Variants in SPAG17 observed in about 807,000 individuals in gnomAD.
SPAG17 encodes the protein sperm associated antigen 17.
Under a neutral mutation model 273.6 loss-of-function variants are expected in SPAG17, and 169 were observed. The observed-to-expected ratio is 0.62, with a 90% CI of 0.55 to 0.70. SPAG17 has a LOEUF of 0.70. SPAG17 is among the 30% of genes least tolerant of loss of function. SPAG17 has a pLI of 0.00. For missense variants in SPAG17, 2,557 were observed against 2,627.8 expected, an observed-to-expected ratio of 0.97 and a Z score of 0.59; for synonymous variants, 825 against 873.2, an observed-to-expected ratio of 0.94 and a Z score of 0.97.
At chr1:118,091,075 A>G (rs1354807052) in intron 10 of SPAG17, among the ~76,000 whole-genome samples, 2 of 152,194 alleles carry the variant, frequency 1.3e-5, no homozygotes, top group Non-Finnish European at 2.9e-5. Flanking sequence ...AACATCAGTC[A>G]TGAGGAAAGG....
In SPAG17 at chr1:117,976,462, G is replaced by A. The variant is rs80205954; in HGVS notation, c.6005-2901C>T. 8.7e-3 allele frequency among the ~76,000 whole-genome samples: 1,331 copies of A among 152,312 alleles called. 10 individuals carry two copies. The highest frequency in any genetic ancestry group is 0.014 in the Non-Finnish European group (979 of 68,024). On this transcript the variant is annotated intron_variant, in intron 43 of 48. Coordinates refer to ENST00000336338, the MANE Select transcript of SPAG17 (RefSeq NM_206996.4). ...AGGTGGAAGATATTTCTGCTCCATT[G>A]ACTCTGAGCTTGGCTACGGCACTTG...
chr1:118,072,843 G>A (rs1347855834), intron 17 of SPAG17, among the ~76,000 whole-genome samples: 1 of 152,082 alleles, frequency 6.6e-6, no homozygotes, highest in East Asian at 1.9e-4. Context: ...TGTGTTGGAT[G>A]GGGGTGGGCA....
chr1:118,062,733 A>T (rs1227552009), intron 18 of SPAG17, among the ~76,000 whole-genome samples: 3 of 152,310 alleles, frequency 2.0e-5, no homozygotes, highest in Non-Finnish European at 4.4e-5. Flanking sequence ...CAAGTCCTCA[A>T]AAATCCAAAA....
intron 28 of SPAG17, among the ~76,000 whole-genome samples, chr1:118,020,990 G>A (rs1325761979): frequency 6.6e-6 from 1 of 152,086 alleles, no homozygotes; most frequent in East Asian, 1.9e-4. Flanking sequence ...TTGAGTAGTT[G>A]TGACAGTGAC....
In SPAG17 at chr1:118,010,233, C is replaced by G. The variant is rs576967026; in HGVS notation, c.4432+1995G>C. Among the ~76,000 whole-genome samples, 7 of 152,118 alleles carry G rather than the reference C, an allele frequency of 4.6e-5. No homozygotes were observed. The East Asian group carries it at 1.4e-3, about 29-fold the overall frequency. On this transcript the variant is annotated intron_variant, in intron 30 of 48. Transcript: ENST00000336338. The stretch of plus-strand genomic sequence containing the variant: ...TCTAAGAGAGTAGATTTTAAGTATT[C>G]TCACAATTAAAAATGATAAGTACAA...
intron 41 of SPAG17, 63 bp downstream of exon 41, chr1:117,984,620 C>T: frequency 3.9e-6 from 4 of 1,020,280 alleles, no homozygotes; most frequent in Non-Finnish European, 6.0e-6. Context: ...TACATAATAA[C>T]ATATGCAATA....
chr1:117,996,851 A>G (rs777852293), intron 32 of SPAG17, 108 bp from the exon 33 acceptor site: 7 of 1,162,216 alleles, frequency 6.0e-6, no homozygotes, highest in Non-Finnish European at 8.4e-6. Context: ...TACTCACAAA[A>G]TTGGAGATGT....
chr1:118,043,819 T>C (rs189940789), intron 20 of SPAG17, among the ~76,000 whole-genome samples: 1 of 152,330 alleles, frequency 6.6e-6, no homozygotes, highest in Non-Finnish European at 1.5e-5. Flanking sequence ...AAACTATTAC[T>C]TGACTCAGCA....
intron 7 of SPAG17, among the ~76,000 whole-genome samples, chr1:118,096,622 A>G (rs1000301462): frequency 2.6e-4 from 39 of 152,234 alleles, no homozygotes; most frequent in African/African-American, 8.4e-4. Flanking sequence ...ACTTTCCACA[A>G]CATCTTCGAT....
chr1:118,018,374 T>C (rs1207229621), intron 28 of SPAG17, among the ~76,000 whole-genome samples: 5 of 152,054 alleles, frequency 3.3e-5, no homozygotes, highest in Admixed American at 6.6e-5. Flanking sequence ...ACTTAAGAGG[T>C]TGTATAACCA....
intron 3 of SPAG17, among the ~76,000 whole-genome samples, chr1:118,125,245 A>ATATATTTTTTT (rs146004766): frequency 5.3e-5 from 8 of 150,750 alleles, no homozygotes; most frequent in African/African-American, 7.4e-5. Context: ...ATATATATAT[A>ATATATTTTTTT]TTTTTGACAT....
At chr1:118,150,409 T>G in intron 3 of SPAG17, 134 bp downstream of exon 3, 1 of 450,822 alleles carries the variant, frequency 2.2e-6, no homozygotes, top group Non-Finnish European at 3.9e-6. Flanking sequence ...GTGTTCACCA[T>G]CAGGAACAAA....
At position 118,185,227 on chromosome 1, in the gene SPAG17, G is replaced by A; in HGVS notation, c.-70C>T. On this transcript the variant is annotated 5_prime_UTR_variant, in exon 1 of 49. Transcript: ENST00000336338. ...CTGCCTAAGCGTCCCCGCTACCACA[G>A]TAACCGAAGCCACGCCCAGTTCCTG... 1 of 1,293,540 alleles carries A rather than the reference G, an allele frequency of 7.7e-7. No individual in the cohort carries two copies. The highest frequency in any genetic ancestry group is 2.3e-5 in the East Asian group (1 of 43,358). The allele number at this position is 1,293,540 out of a possible 1,614,324, so 80.1% of individuals were successfully genotyped here.
In SPAG17 at chr1:117,981,409, A is replaced by C. The variant is rs1189852171; in HGVS notation, c.5873-8T>G. 1 of 1,590,734 alleles carries C rather than the reference A, an allele frequency of 6.3e-7. No individual in the cohort carries two copies. On this transcript the variant is annotated splice_polypyrimidine_tract_variant and splice_region_variant and intron_variant, in intron 42 of 48. Coordinates refer to ENST00000336338, the MANE Select transcript of SPAG17 (RefSeq NM_206996.4). The stretch of plus-strand genomic sequence containing the variant: ...CCTTATGTGGCTTGAAATCTAGAAA[A>C]CCCAAAATGAACCTTATAAAGTGAT...
intron 43 of SPAG17, among the ~76,000 whole-genome samples, chr1:117,980,385 C>T (rs192233203): frequency 5.3e-5 from 8 of 152,104 alleles, no homozygotes; most frequent in Non-Finnish European, 1.0e-4. Flanking sequence ...GCAAGCGCCA[C>T]CATGCCCAGC....
intron 3 of SPAG17, among the ~76,000 whole-genome samples, chr1:118,120,570 G>A (rs1321837431): frequency 1.3e-5 from 2 of 152,236 alleles, no homozygotes; most frequent in Non-Finnish European, 2.9e-5. Context: ...TAACAATGGC[G>A]TACTCAGATT....
intron 23 of SPAG17, among the ~76,000 whole-genome samples, chr1:118,037,297 A>G (rs904350289): frequency 6.6e-6 from 1 of 152,232 alleles, no homozygotes; most frequent in Non-Finnish European, 1.5e-5. Context: ...GAATTTAAAA[A>G]TTGTTTCAGT....
chr1:118,162,767 TC>T (rs1343622755), intron 1 of SPAG17, among the ~76,000 whole-genome samples: 8 of 152,200 alleles, frequency 5.3e-5, no homozygotes, highest in African/African-American at 9.6e-5. Context: ...TTGTTTTTTT[TC>T]CTTCAACATT....
chr1:118,048,894 TA>T (rs1158580043), intron 20 of SPAG17, among the ~76,000 whole-genome samples: 4 of 151,516 alleles, frequency 2.6e-5, no homozygotes, highest in Admixed American at 6.6e-5. Flanking sequence ...AGACTCCATC[TA>T]AAAAAAATAA....
Sources: gnomAD v4.1 joint callset for allele counts (sites outside exome capture counted in the v4.1 genomes callset) on GRCh38, gnomAD v4.1.1 for gene constraint, MANE v1.5 for transcripts, NCBI Gene and HGNC (gene_info 2026-07-23, HGNC 2026-07-21) for gene names.